Variants in PARN observed in about 807,000 individuals in gnomAD.
The protein encoded by PARN is poly(A)-specific ribonuclease.
PARN carries 71 observed loss-of-function variants against 102.8 expected under a neutral mutation model. That is an observed-to-expected ratio of 0.69 (90% CI 0.57 to 0.84). The LOEUF is 0.84. Among genes scored for constraint, PARN ranks in the 40% least tolerant of loss-of-function variants. The pLI is 0.00. For missense variants in PARN, 782 were observed against 760.9 expected, an observed-to-expected ratio of 1.03 and a Z score of -0.33; for synonymous variants, 261 against 252.9, an observed-to-expected ratio of 1.03 and a Z score of -0.30.
At chr16:14,535,493 A>G (rs1966571350) in intron 21 of PARN, among the ~76,000 whole-genome samples, 1 of 152,256 alleles carries the variant, frequency 6.6e-6, no homozygotes, top group South Asian at 2.1e-4. Flanking sequence ...TCTTTTTCAG[A>G]ATAGCAGATT....
At chr16:14,451,871 A>AAAAAAAAAAAAAAAAAAAAAAAAAAAC (rs1961470989) in intron 22 of PARN, among the ~76,000 whole-genome samples, 1 of 33,194 alleles carries the variant, frequency 3.0e-5, no homozygotes, top group Non-Finnish European at 7.3e-5. Flanking sequence ...AAAAAATACA[A>AAAAAAAAAAAAAAAAAAAAAAAAAAAC]AAAAAAAAAA....
intron 21 of PARN, among the ~76,000 whole-genome samples, chr16:14,503,685 A>T (rs530121664): frequency 6.6e-6 from 1 of 152,346 alleles, no homozygotes; most frequent in Non-Finnish European, 1.5e-5. Flanking sequence ...TTTGAGAAGC[A>T]CGGTCACCTG....
intron 22 of PARN, among the ~76,000 whole-genome samples, chr16:14,458,594 G>C (rs1961799265): frequency 6.6e-6 from 1 of 152,132 alleles, no homozygotes; most frequent in African/African-American, 2.4e-5. Flanking sequence ...GAGTGGCAAA[G>C]AGCTCTGCAT....
intron 23 of PARN, among the ~76,000 whole-genome samples, chr16:14,445,056 G>A (rs1207284018): frequency 7.4e-6 from 1 of 135,022 alleles, no homozygotes; most frequent in Non-Finnish European, 1.5e-5. Flanking sequence ...TCAAACTCCC[G>A]GGCTCAGGTC....
intron 21 of PARN, among the ~76,000 whole-genome samples, chr16:14,527,301 C>A (rs974272177): frequency 1.3e-5 from 2 of 152,148 alleles, no homozygotes; most frequent in African/African-American, 4.8e-5. Flanking sequence ...ATGAAATGAC[C>A]AATCTGCTTT....
intron 21 of PARN, among the ~76,000 whole-genome samples, chr16:14,516,753 T>A (rs1323578411): frequency 6.6e-6 from 1 of 152,204 alleles, no homozygotes; most frequent in African/African-American, 2.4e-5. Flanking sequence ...GGAACAAACA[T>A]CATCGTAGGA....
intron 18 of PARN, among the ~76,000 whole-genome samples, chr16:14,569,009 C>G (rs895448390): frequency 6.6e-6 from 1 of 151,806 alleles, no homozygotes; most frequent in Non-Finnish European, 1.5e-5. Flanking sequence ...GCCAAGAGTT[C>G]GAGACCAGCC....
chr16:14,559,966 C>T (rs1344223789), intron 18 of PARN, among the ~76,000 whole-genome samples: 3 of 152,136 alleles, frequency 2.0e-5, no homozygotes, highest in African/African-American at 7.2e-5. Context: ...ACTCTCCCAA[C>T]GGCCTCCCAC....
chr16:14,567,479 T>C (rs1237533159), intron 18 of PARN, among the ~76,000 whole-genome samples: 1 of 152,254 alleles, frequency 6.6e-6, no homozygotes, highest in Admixed American at 6.5e-5. Flanking sequence ...TAAGCTGTGC[T>C]GCCTAGTCCA....
chr16:14,563,604 T>C (rs1240182437), intron 18 of PARN, among the ~76,000 whole-genome samples: 3 of 151,962 alleles, frequency 2.0e-5, no homozygotes, highest in Non-Finnish European at 4.4e-5. Flanking sequence ...ACAGGGTCTA[T>C]GTTGCCCAAG....
At chr16:14,545,685 A>C (rs147101402) in intron 21 of PARN, among the ~76,000 whole-genome samples, 3 of 152,322 alleles carry the variant, frequency 2.0e-5, no homozygotes, top group African/African-American at 7.2e-5. Context: ...ACATTGGGGC[A>C]GACTTGTAAG....
chr16:14,481,043 C>T (rs553531503), intron 22 of PARN, among the ~76,000 whole-genome samples: 24 of 152,254 alleles, frequency 1.6e-4, no homozygotes, highest in African/African-American at 5.8e-4. Context: ...AATAAAATGG[C>T]ATATCAAACT....
chr16:14,590,419 G>C (rs1235551288), intron 13 of PARN, among the ~76,000 whole-genome samples: 1 of 151,790 alleles, frequency 6.6e-6, no homozygotes, highest in Non-Finnish European at 1.5e-5. Flanking sequence ...TGGATCACCT[G>C]AGATGAGGCG....
rs1052451762 is a variant in PARN at position 14,436,834 on chromosome 16, T to C, written c.1865-62A>G. 3 of 1,214,526 alleles carry C rather than the reference T, an allele frequency of 2.5e-6. No individual in the cohort carries two copies. In the East Asian group the frequency reaches 7.6e-5, roughly 31 times the overall value. The allele number at this position is 1,214,526 out of a possible 1,614,324, so 75.2% of individuals were successfully genotyped here. A position where few individuals can be genotyped will look rare whatever the true frequency, so the allele number is the denominator to read the frequency against. ...CCAGGACGGCACCTTGAGGAGAGCATGACATGACCAGCAGACAGACAGAGG... is the reference window on the plus strand; with the variant it reads ...CCAGGACGGCACCTTGAGGAGAGCACGACATGACCAGCAGACAGACAGAGG... On this transcript the variant is annotated intron_variant, in intron 23 of 23. Coordinates refer to ENST00000437198, the MANE Select transcript of PARN (RefSeq NM_002582.4).
At chr16:14,526,650 G>A (rs550217324) in intron 21 of PARN, among the ~76,000 whole-genome samples, 6 of 152,176 alleles carry the variant, frequency 3.9e-5, no homozygotes, top group Non-Finnish European at 8.8e-5. Context: ...ACAATAAGGA[G>A]ATTCATCTGC....
intron 21 of PARN, among the ~76,000 whole-genome samples, chr16:14,494,907 G>A (rs1480465334): frequency 6.6e-6 from 1 of 152,190 alleles, no homozygotes; most frequent in Non-Finnish European, 1.5e-5. Flanking sequence ...ACACAGGAAT[G>A]GGGTAGATGG....
intron 21 of PARN, among the ~76,000 whole-genome samples, chr16:14,525,904 C>T (rs1466791312): frequency 2.6e-5 from 4 of 152,098 alleles, no homozygotes; most frequent in Non-Finnish European, 5.9e-5. Context: ...CTGCAACCTC[C>T]ACCTCCCGGG....
intron 12 of PARN, among the ~76,000 whole-genome samples, chr16:14,596,216 G>T (rs1401666268): frequency 1.3e-5 from 2 of 152,078 alleles, no homozygotes; most frequent in African/African-American, 4.8e-5. Context: ...CTGAGCCAGA[G>T]AAACTACAAG....
intron 12 of PARN, among the ~76,000 whole-genome samples, chr16:14,597,130 G>C (rs992601210): frequency 2.6e-5 from 4 of 151,994 alleles, no homozygotes; most frequent in Non-Finnish European, 4.4e-5. Context: ...AATGTAGAAA[G>C]GACGAAGGAA....
Sources: allele counts gnomAD v4.1 joint callset (sites outside exome capture counted in the v4.1 genomes callset), GRCh38; gene constraint gnomAD v4.1.1; transcripts MANE v1.5; gene names NCBI Gene and HGNC (gene_info 2026-07-23, HGNC 2026-07-21).